Variants in TRPM3 observed in about 807,000 individuals in gnomAD.
The protein encoded by TRPM3 is transient receptor potential cation channel subfamily M member 3.
In TRPM3, 77 loss-of-function variants were observed where a neutral mutation model predicts 181.2. The ratio of observed to expected loss-of-function variants is 0.42; its 90% CI spans 0.35 to 0.51. The LOEUF is 0.51. TRPM3 is among the 20% of genes least tolerant of loss of function. The pLI is 0.01. For synonymous variants in TRPM3, 745 were observed against 796.4 expected (o/e 0.94, Z 1.09); for missense variants, 1,759 against 2,196.7 (o/e 0.80, Z 3.98).
At chr9:71,380,698 G>T (rs2092779742) in intron 1 of TRPM3, among the ~76,000 whole-genome samples, 1 of 151,924 alleles carries the variant, frequency 6.6e-6, no homozygotes, top group Admixed American at 6.6e-5. Flanking sequence ...ATTAAATAAG[G>T]TTCATTTTTC....
At chr9:71,292,197 C>T (rs141144424) in intron 1 of TRPM3, among the ~76,000 whole-genome samples, 288 of 151,994 alleles carry the variant, frequency 1.9e-3, no homozygotes, top group African/African-American at 6.6e-3. Context: ...AGTTGAAAAC[C>T]GCACTTAGAA....
intron 1 of TRPM3, among the ~76,000 whole-genome samples, chr9:71,069,608 CTTTTTTTT>C (rs71367252): frequency 4.7e-5 from 6 of 126,658 alleles, no homozygotes; most frequent in East Asian, 4.9e-4. Context: ...TTCCTTTTTT[CTTTTTTTT>C]TTTTTTTTTT....
At chr9:71,098,109 T>G (rs1247020621) in intron 1 of TRPM3, among the ~76,000 whole-genome samples, 1 of 152,178 alleles carries the variant, frequency 6.6e-6, no homozygotes, top group African/African-American at 2.4e-5. Flanking sequence ...CAGTCAACAC[T>G]GGGCCATGTG....
intron 1 of TRPM3, among the ~76,000 whole-genome samples, chr9:71,165,727 G>A (rs2076509707): frequency 6.6e-6 from 1 of 152,146 alleles, no homozygotes; most frequent in Non-Finnish European, 1.5e-5. Context: ...TCATGAGAGA[G>A]AGGCATAAAT....
At chr9:71,425,603 G>A (rs989347122) in intron 1 of TRPM3, among the ~76,000 whole-genome samples, 1 of 151,968 alleles carries the variant, frequency 6.6e-6, no homozygotes, top group Non-Finnish European at 1.5e-5. Context: ...TTCTCACCAG[G>A]TTTTCCCCCA....
intron 1 of TRPM3, among the ~76,000 whole-genome samples, chr9:70,933,878 G>A (rs1371054960): frequency 1.3e-5 from 2 of 152,052 alleles, no homozygotes; most frequent in Non-Finnish European, 2.9e-5. Context: ...CCCAGGCACA[G>A]GATTGGACTT....
At chr9:71,027,433 T>C (rs1350877360) in intron 1 of TRPM3, among the ~76,000 whole-genome samples, 1 of 152,188 alleles carries the variant, frequency 6.6e-6, no homozygotes, top group African/African-American at 2.4e-5. Flanking sequence ...AACACACTAG[T>C]TCCCCAGCAA....
At chr9:71,265,125 T>A (rs954825873) in intron 1 of TRPM3, among the ~76,000 whole-genome samples, 5 of 152,142 alleles carry the variant, frequency 3.3e-5, no homozygotes, top group Non-Finnish European at 5.9e-5. Flanking sequence ...AAAAGATGAA[T>A]TAGAATTTTC....
chr9:70,545,548 C>CTTTTTTTTTTTTTTTT (rs5898150), intron 25 of TRPM3, among the ~76,000 whole-genome samples: 2 of 113,352 alleles, frequency 1.8e-5, no homozygotes, highest in African/African-American at 3.2e-5. Context: ...AATTTTCTTT[C>CTTTTTTTTTTTTTTTT]TTTTTTTTTT....
At chr9:70,698,679 G>C (rs1386293390) in intron 8 of TRPM3, among the ~76,000 whole-genome samples, 1 of 152,172 alleles carries the variant, frequency 6.6e-6, no homozygotes, top group East Asian at 1.9e-4. Context: ...AGGTGGGCCT[G>C]GTGGGAGGTG....
At chr9:71,117,523 G>A (rs1422592563) in intron 1 of TRPM3, among the ~76,000 whole-genome samples, 1 of 151,934 alleles carries the variant, frequency 6.6e-6, no homozygotes, top group Non-Finnish European at 1.5e-5. Flanking sequence ...TGCATAGCAG[G>A]CTTCGGACAC....
intron 22 of TRPM3, among the ~76,000 whole-genome samples, chr9:70,565,889 C>T (rs2050466200): frequency 6.6e-6 from 1 of 152,132 alleles, no homozygotes. Context: ...ATTTCTAAGC[C>T]TGACCTAATG....
intron 6 of TRPM3, among the ~76,000 whole-genome samples, chr9:70,799,255 C>A (rs965518209): frequency 1.3e-5 from 2 of 152,110 alleles, no homozygotes; most frequent in Non-Finnish European, 2.9e-5. Flanking sequence ...GTGCTGTAAG[C>A]TAGGGGTGAC....
chr9:71,314,278 T>A (rs1271835751), intron 1 of TRPM3, among the ~76,000 whole-genome samples: 1 of 152,152 alleles, frequency 6.6e-6, no homozygotes, highest in Admixed American at 6.6e-5. Context: ...ATGATTTTTT[T>A]ATCAAAGAAA....
intron 7 of TRPM3, among the ~76,000 whole-genome samples, chr9:70,780,865 A>G (rs928536821): frequency 2.0e-5 from 3 of 152,296 alleles, no homozygotes; most frequent in East Asian, 1.9e-4. Context: ...TCTTAAGATC[A>G]AAAATTATAC....
intron 1 of TRPM3, among the ~76,000 whole-genome samples, chr9:71,305,486 G>T (rs147198479): frequency 5.3e-5 from 8 of 152,114 alleles, no homozygotes; most frequent in African/African-American, 9.7e-5. Flanking sequence ...CAGTGTAAAG[G>T]TCTGGTAAAT....
intron 1 of TRPM3, among the ~76,000 whole-genome samples, chr9:70,978,730 G>T (rs901156084): frequency 6.6e-6 from 1 of 152,174 alleles, no homozygotes; most frequent in Admixed American, 6.5e-5. Context: ...TGTATGAAAT[G>T]GAAACACATT....
At chr9:71,039,472 A>G (rs1429043059) in intron 1 of TRPM3, among the ~76,000 whole-genome samples, 2 of 152,232 alleles carry the variant, frequency 1.3e-5, no homozygotes, top group African/African-American at 4.8e-5. Context: ...TATAAAATCT[A>G]TACTCTGTAC....
chr9:71,108,640 T>C (rs947910269), intron 1 of TRPM3, among the ~76,000 whole-genome samples: 1 of 152,086 alleles, frequency 6.6e-6, no homozygotes, highest in African/African-American at 2.4e-5. Context: ...TACAGAATAA[T>C]AGACGAAGCT....
Sources: gnomAD v4.1 joint callset for allele counts (sites outside exome capture counted in the v4.1 genomes callset) on GRCh38, gnomAD v4.1.1 for gene constraint, MANE v1.5 for transcripts, NCBI Gene and HGNC (gene_info 2026-07-23, HGNC 2026-07-21) for gene names.